Variants in ANO5 observed in about 807,000 individuals in gnomAD.
ANO5 encodes the protein anoctamin 5.
A neutral mutation model predicts 121.0 loss-of-function variants in ANO5; 109 were observed. That is an observed-to-expected ratio of 0.90 (90% CI 0.77 to 1.06). The LOEUF is 1.06. Ranked by LOEUF, ANO5 falls within the 50% of genes least tolerant of loss-of-function variation. ANO5 has a pLI of 0.00. For missense variants in ANO5, 1,064 were observed against 1,078.5 expected (o/e 0.99, Z 0.19); for synonymous variants, 406 against 359.9 (o/e 1.13, Z -1.45).
chr11:22,227,286 C>G lies in ANO5; in HGVS notation c.364-16C>G. 1.3e-6 allele frequency: 2 copies of G among 1,598,076 alleles called. No homozygotes were observed. Among genetic ancestry groups the G allele is most frequent in the African/African-American group, 1.3e-5 (1 of 74,488 alleles). On this transcript the variant is annotated splice_polypyrimidine_tract_variant and intron_variant, in intron 6 of 21. Transcript: ENST00000324559. ...ATCAGTAAGCTTTCTGCTGTTTTGC[C>G]TTTTTTTTAATGCAGGACTCGGAAG...
intron 19 of ANO5, among the ~76,000 whole-genome samples, chr11:22,273,949 C>T (rs74587101): frequency 4.6e-5 from 7 of 151,790 alleles, no homozygotes; most frequent in African/African-American, 7.3e-5. Flanking sequence ...TTTTTTAAAG[C>T]GTAGCACTAA....
chr11:22,228,852 G>A (rs1044177439), intron 7 of ANO5, among the ~76,000 whole-genome samples: 1 of 151,692 alleles, frequency 6.6e-6, no homozygotes, highest in Non-Finnish European at 1.5e-5. Context: ...AATTCTGTGT[G>A]TACACCTTTT....
At chr11:22,256,713 T>C (rs1854009690) in intron 13 of ANO5, among the ~76,000 whole-genome samples, 2 of 151,398 alleles carry the variant, frequency 1.3e-5, no homozygotes, top group Non-Finnish European at 2.9e-5. Context: ...GGTTTAGAAA[T>C]CATGAAACAG....
Position 22,280,135 on chromosome 11 carries a change from C to G in ANO5, c.*370C>G, listed in dbSNP as rs1029840007. 4.8e-6 allele frequency: 1 copy of G among 206,752 alleles called. No homozygotes were observed. Among genetic ancestry groups the G allele is most frequent in the South Asian group, 8.7e-5 (1 of 11,432 alleles). 12.8% of individuals were successfully genotyped at this position (206,752 alleles called of 1,614,324 possible). A position where few individuals can be genotyped will look rare whatever the true frequency, so the allele number is the denominator to read the frequency against. ...CATCTATTTATTTTTGTGGTCTTCT[C>G]TTGGGTTATTTGATACCTCCTTCCC... On this transcript the variant is annotated 3_prime_UTR_variant, in exon 22 of 22. Coordinates refer to ENST00000324559, the MANE Select transcript of ANO5 (RefSeq NM_213599.3).
intron 20 of ANO5, among the ~76,000 whole-genome samples, chr11:22,275,036 G>T (rs909265959): frequency 2.0e-5 from 3 of 151,874 alleles, no homozygotes; most frequent in Non-Finnish European, 4.4e-5. Context: ...TGTATCAAAA[G>T]GATTTGTCAC....
At chr11:22,250,054 T>C (rs914043104) in intron 9 of ANO5, among the ~76,000 whole-genome samples, 183 bp from the exon 10 acceptor site, 1 of 152,136 alleles carries the variant, frequency 6.6e-6, no homozygotes, top group Non-Finnish European at 1.5e-5. Flanking sequence ...AGCACCATCT[T>C]GTGTTAAAAC....
At chr11:22,218,479 C>T (rs1201797684) in intron 4 of ANO5, among the ~76,000 whole-genome samples, 192 bp downstream of exon 4, 2 of 152,066 alleles carry the variant, frequency 1.3e-5, no homozygotes, top group African/African-American at 4.8e-5. Flanking sequence ...GATCCTCTTC[C>T]TAAAATGTAT....
chr11:22,251,215 C>A (rs1005053907), intron 12 of ANO5, among the ~76,000 whole-genome samples: 1 of 152,218 alleles, frequency 6.6e-6, no homozygotes, highest in Non-Finnish European at 1.5e-5. Context: ...AACATCAGCT[C>A]ATTTCTCTAA....
chr11:22,227,614 C>T, intron 7 of ANO5, 28 bp downstream of exon 7: 1 of 1,608,944 alleles, frequency 6.2e-7, no homozygotes, highest in Non-Finnish European at 8.5e-7. Context: ...TTGGGCACAT[C>T]CCTTCAAATA....
chr11:22,256,308 A>T (rs754527883), intron 13 of ANO5, among the ~76,000 whole-genome samples: 5 of 152,182 alleles, frequency 3.3e-5, no homozygotes, highest in Non-Finnish European at 5.9e-5. Context: ...TGTCCTAAAT[A>T]CACTCTCTTC....
intron 1 of ANO5, among the ~76,000 whole-genome samples, chr11:22,201,906 T>C (rs1341569797): frequency 1.3e-5 from 2 of 152,170 alleles, no homozygotes; most frequent in Middle Eastern, 3.4e-3. Flanking sequence ...ATTCAATCCA[T>C]AGCAGAGAGC....
chr11:22,210,887 A>T (rs1852255973), intron 2 of ANO5, among the ~76,000 whole-genome samples: 1 of 151,978 alleles, frequency 6.6e-6, no homozygotes, highest in Non-Finnish European at 1.5e-5. Context: ...AGGATGCAGC[A>T]TCATAAAAAG....
chr11:22,214,793 G>A (rs1453879191), intron 3 of ANO5, among the ~76,000 whole-genome samples: 2 of 152,020 alleles, frequency 1.3e-5, no homozygotes, highest in East Asian at 1.9e-4. Flanking sequence ...GAGAGGGAAT[G>A]TGCTGGGATA....
At chr11:22,208,959 C>CA (rs962721456) in intron 2 of ANO5, among the ~76,000 whole-genome samples, 12 of 150,704 alleles carry the variant, frequency 8.0e-5, no homozygotes, top group African/African-American at 2.7e-4. Context: ...AGGCAATTTT[C>CA]AAAAAAAATA....
intron 7 of ANO5, among the ~76,000 whole-genome samples, chr11:22,234,621 G>C (rs1179236686): frequency 1.3e-5 from 2 of 152,050 alleles, no homozygotes; most frequent in African/African-American, 4.8e-5. Flanking sequence ...TTTTTCATTA[G>C]TGTTTTGAAG....
intron 9 of ANO5, among the ~76,000 whole-genome samples, chr11:22,249,604 C>T (rs1032214463): frequency 2.0e-5 from 3 of 151,962 alleles, no homozygotes; most frequent in Non-Finnish European, 4.4e-5. Context: ...AATGTTGTGC[C>T]GATAAACGCT....
intron 9 of ANO5, among the ~76,000 whole-genome samples, chr11:22,244,993 G>A (rs1853571318): frequency 1.3e-5 from 2 of 152,134 alleles, no homozygotes; most frequent in Admixed American, 6.6e-5. Context: ...TGAGAGGGCT[G>A]GTGTTCCATT....
chr11:22,251,047 C>T (rs747424276), intron 12 of ANO5, 36 bp downstream of exon 12: 3 of 1,565,314 alleles, frequency 1.9e-6, no homozygotes, highest in Middle Eastern at 1.8e-4. Flanking sequence ...CAGCTTTCTT[C>T]CTATTAATGT....
chr11:22,243,516 C>G (rs1359244264), intron 9 of ANO5, among the ~76,000 whole-genome samples: 1 of 151,878 alleles, frequency 6.6e-6, no homozygotes, highest in Admixed American at 6.6e-5. Flanking sequence ...GTATTTCTAT[C>G]TGCTAGTATT....
Sources: allele counts gnomAD v4.1 joint callset (sites outside exome capture counted in the v4.1 genomes callset), GRCh38; gene constraint gnomAD v4.1.1; transcripts MANE v1.5; gene names NCBI Gene and HGNC (gene_info 2026-07-23, HGNC 2026-07-21).